ZNF148: variants seen among roughly 807,000 people sequenced by gnomAD.
ZNF148 encodes the protein Beta-Enolase Repressor Factor-1.
In ZNF148, 7 loss-of-function variants were observed where a neutral mutation model predicts 67.7. That is an observed-to-expected ratio of 0.10 (90% CI 0.06 to 0.19). ZNF148 has a LOEUF of 0.19. Among genes scored for constraint, ZNF148 ranks in the 10% least tolerant of loss-of-function variants. The probability of loss-of-function intolerance (pLI) is 1.00; values close to 1 mark genes in which losing one functional copy is unlikely to be tolerated. For missense variants in ZNF148, 583 were observed against 947.1 expected, an observed-to-expected ratio of 0.62 and a Z score of 5.05; for synonymous variants, 333 against 330.7, an observed-to-expected ratio of 1.01 and a Z score of -0.08.
At chr3:125,341,826 C>T (rs553938946) in intron 1 of ZNF148, among the ~76,000 whole-genome samples, 83 of 151,886 alleles carry the variant, frequency 5.5e-4, no homozygotes, top group Non-Finnish European at 1.1e-3. Flanking sequence ...GAAACACCAT[C>T]TCTACAAAAA....
intron 7 of ZNF148, among the ~76,000 whole-genome samples, chr3:125,253,411 G>C (rs755424566): frequency 6.6e-6 from 1 of 152,120 alleles, no homozygotes; most frequent in Non-Finnish European, 1.5e-5. Flanking sequence ...TAATTTGTGA[G>C]TGATAGTTTC....
chr3:125,263,058 T>C (rs1031489968), intron 7 of ZNF148, among the ~76,000 whole-genome samples: 4 of 152,250 alleles, frequency 2.6e-5, no homozygotes, highest in Admixed American at 6.5e-5. Flanking sequence ...TTAAAATGTT[T>C]TGTCAAGTTC....
intron 4 of ZNF148, among the ~76,000 whole-genome samples, chr3:125,301,222 T>C (rs1939570460): frequency 6.6e-6 from 1 of 152,242 alleles, no homozygotes; most frequent in Admixed American, 6.5e-5. Context: ...CGTTCAAAAG[T>C]TGGCCTAGGC....
intron 7 of ZNF148, among the ~76,000 whole-genome samples, chr3:125,239,439 T>C (rs1294929928): frequency 1.3e-5 from 2 of 152,146 alleles, no homozygotes; most frequent in African/African-American, 4.8e-5. Flanking sequence ...ACCATCATGA[T>C]CATCAGGGAA....
intron 1 of ZNF148, among the ~76,000 whole-genome samples, chr3:125,342,450 A>T (rs1245551075): frequency 2.0e-5 from 3 of 152,140 alleles, no homozygotes; most frequent in Non-Finnish European, 4.4e-5. Context: ...ATCTCAAACC[A>T]CAGAGGCCAA....
chr3:125,322,027 CTTTT>C (rs35879999), intron 3 of ZNF148, among the ~76,000 whole-genome samples: 8 of 82,926 alleles, frequency 9.6e-5, no homozygotes, highest in African/African-American at 2.5e-4. Flanking sequence ...TAATCAACGG[CTTTT>C]TTTTTTTTTT....
At chr3:125,264,667 T>C (rs1360813297) in intron 7 of ZNF148, among the ~76,000 whole-genome samples, 1 of 152,242 alleles carries the variant, frequency 6.6e-6, no homozygotes, top group East Asian at 1.9e-4. Context: ...ATTTCTTCTG[T>C]TTAAACAACT....
chr3:125,248,251 C>T (rs1222541551), intron 7 of ZNF148, among the ~76,000 whole-genome samples: 2 of 152,148 alleles, frequency 1.3e-5, no homozygotes, highest in African/African-American at 4.8e-5. Context: ...ACAATGTTTA[C>T]TAAAAAGTAT....
At chr3:125,341,421 C>A (rs1173074430) in intron 1 of ZNF148, among the ~76,000 whole-genome samples, 1 of 151,372 alleles carries the variant, frequency 6.6e-6, no homozygotes, top group Non-Finnish European at 1.5e-5. Flanking sequence ...GAGGGTAAGA[C>A]CAGCGTGGGC....
chr3:125,272,696 T>C (rs1281107037), intron 7 of ZNF148, among the ~76,000 whole-genome samples: 1 of 152,196 alleles, frequency 6.6e-6, no homozygotes, highest in Non-Finnish European at 1.5e-5. Context: ...ATCTCTTTTA[T>C]GTCTTTATTG....
At chr3:125,338,238 G>GA (rs1559766739) in intron 1 of ZNF148, among the ~76,000 whole-genome samples, 1 of 151,926 alleles carries the variant, frequency 6.6e-6, no homozygotes, top group East Asian at 1.9e-4. Flanking sequence ...CTAGGAGTCA[G>GA]AAAAAAAGTA....
intron 1 of ZNF148, among the ~76,000 whole-genome samples, chr3:125,371,372 A>AGGGGGGG (rs59807253): frequency 4.6e-5 from 3 of 65,368 alleles, no homozygotes; most frequent in African/African-American, 6.6e-5. Flanking sequence ...AAAAAAAAAA[A>AGGGGGGG]GGGGGGGGGG....
At chr3:125,355,034 C>T (rs555445349) in intron 1 of ZNF148, among the ~76,000 whole-genome samples, 21 of 152,268 alleles carry the variant, frequency 1.4e-4, no homozygotes, top group Non-Finnish European at 2.5e-4. Flanking sequence ...CATTATCTGT[C>T]CAACCTTGGG....
chr3:125,371,315 G>A (rs532947882), intron 1 of ZNF148, among the ~76,000 whole-genome samples: 40 of 121,402 alleles, frequency 3.3e-4, no homozygotes, highest in Admixed American at 5.1e-4. Flanking sequence ...GGGAACATGC[G>A]CACTGCACTT....
At chr3:125,329,196 A>T (rs974946762) in intron 2 of ZNF148, among the ~76,000 whole-genome samples, 3 of 149,732 alleles carry the variant, frequency 2.0e-5, no homozygotes, top group African/African-American at 7.3e-5. Context: ...ATCAGAAGAT[A>T]TGGAAAAACA....
chr3:125,247,913 C>T (rs1279882781), intron 7 of ZNF148, among the ~76,000 whole-genome samples: 1 of 152,022 alleles, frequency 6.6e-6, no homozygotes, highest in Non-Finnish European at 1.5e-5. Context: ...AAATACAAAA[C>T]AAAACAAAAA....
At chr3:125,276,497 G>A (rs9816044) in intron 7 of ZNF148, among the ~76,000 whole-genome samples, 116,986 of 151,786 alleles carry the variant, frequency 0.77, 45,628 homozygotes, top group African/African-American at 0.85. Context: ...GCAATGGCGC[G>A]ATCTCGACTC....
Position 125,313,518 on chromosome 3 carries a change from C to G in ZNF148, c.123G>C (p.Glu41Asp), listed in dbSNP as rs775253164. ...GATCTTGAAGTACTGAATCCTGTAG[C>G]TCTCCAGACACAGTAGACTGGCCAG... ...GVSGQSTVSG[E>D]LQDSVLQDRS... Residue 41 changes from glutamate to aspartate, a missense_variant, in exon 4 of 9, where the codon GAG becomes GAC. Around this residue, in one of 5 missense-constraint regions of ZNF148, gnomAD observed 150 missense variants for 202.5 expected, o/e 0.74. Transcript: ENST00000360647. The G allele has an allele frequency of 6.2e-7, 1 of 1,614,172 alleles. No individual in the cohort carries two copies. Among genetic ancestry groups the G allele is most frequent in the South Asian group, 1.1e-5 (1 of 91,088 alleles).
At chr3:125,362,657 T>G (rs1942581242) in intron 1 of ZNF148, among the ~76,000 whole-genome samples, 1 of 151,798 alleles carries the variant, frequency 6.6e-6, no homozygotes, top group Admixed American at 6.6e-5. Context: ...CAAGCTCAAG[T>G]GATCCTCCCA....
Sources: gnomAD v4.1 joint callset for allele counts (sites outside exome capture counted in the v4.1 genomes callset) on GRCh38, gnomAD v4.1.1 for gene constraint, gnomAD v4.1.1 regional missense constraint, MANE v1.5 for transcripts, NCBI Gene and HGNC (gene_info 2026-07-23, HGNC 2026-07-21) for gene names.